Variants in ARK2N observed in about 807,000 individuals in gnomAD.
ARK2N encodes arkadia (RNF111) N-terminal like PKA signaling regulator 2N, also known as protein ARK2N.
At chr18:46,257,984 T>A in the ARK2N span, among the ~76,000 whole-genome samples, 1 of 151,634 alleles carries the variant, frequency 6.6e-6, no homozygotes, top group Non-Finnish European at 1.5e-5. Context: ...TGGAGTGCAG[T>A]GACACGATTT....
At chr18:46,202,450 T>G in the ARK2N span, among the ~76,000 whole-genome samples, 1 of 152,176 alleles carries the variant, frequency 6.6e-6, no homozygotes, top group Non-Finnish European at 1.5e-5. Context: ...AAATAAGATA[T>G]TCTCAAATAA....
the ARK2N span, among the ~76,000 whole-genome samples, chr18:46,181,747 G>T: frequency 1.3e-5 from 2 of 152,130 alleles, no homozygotes; most frequent in African/African-American, 4.8e-5. Context: ...TTGTGCTTGG[G>T]TAGTCTAGAA....
At chr18:46,194,503 C>T in the ARK2N span, among the ~76,000 whole-genome samples, 6 of 150,180 alleles carry the variant, frequency 4.0e-5, no homozygotes, top group Admixed American at 3.3e-4. Flanking sequence ...GACGGAGTCT[C>T]GCTGTGTCAC....
chr18:46,255,162 C>T, the ARK2N span, among the ~76,000 whole-genome samples: 1 of 151,990 alleles, frequency 6.6e-6, no homozygotes, highest in African/African-American at 2.4e-5. Flanking sequence ...GATACATGTA[C>T]GTTAAGGGTA....
the ARK2N span, among the ~76,000 whole-genome samples, chr18:46,226,527 T>G: frequency 6.6e-6 from 1 of 152,352 alleles, no homozygotes; most frequent in East Asian, 1.9e-4. Flanking sequence ...AGTTTAATTT[T>G]GTTTTCAATC....
the ARK2N span, among the ~76,000 whole-genome samples, chr18:46,254,724 T>A: frequency 6.6e-6 from 1 of 152,230 alleles, no homozygotes; most frequent in Non-Finnish European, 1.5e-5. Flanking sequence ...AAAGATTATA[T>A]GTCCTCCCCA....
chr18:46,185,869 C>T, the ARK2N span, among the ~76,000 whole-genome samples: 1 of 152,142 alleles, frequency 6.6e-6, no homozygotes, highest in Admixed American at 6.5e-5. Flanking sequence ...CACTGGTAAT[C>T]TCAGCTACTC....
At chr18:46,197,885 A>C in the ARK2N span, among the ~76,000 whole-genome samples, 55 of 152,118 alleles carry the variant, frequency 3.6e-4, 1 homozygote, top group African/African-American at 1.3e-3. Context: ...TTTCCATCTC[A>C]TATTTTTTGT....
the ARK2N span, among the ~76,000 whole-genome samples, chr18:46,203,228 G>GA: frequency 6.6e-6 from 1 of 152,068 alleles, no homozygotes; most frequent in Non-Finnish European, 1.5e-5. Context: ...GTCCCAAACT[G>GA]AAAAAATGAC....
At chr18:46,244,205 G>A in the ARK2N span, among the ~76,000 whole-genome samples, 2 of 152,106 alleles carry the variant, frequency 1.3e-5, no homozygotes, top group Non-Finnish European at 2.9e-5. Flanking sequence ...CTTCATTTTT[G>A]TTGCTAGTAA....
the ARK2N span, among the ~76,000 whole-genome samples, chr18:46,237,521 G>A: frequency 6.6e-6 from 1 of 151,738 alleles, no homozygotes; most frequent in African/African-American, 2.4e-5. Context: ...CCAAGTAGCT[G>A]GGATTACAGG....
At chr18:46,241,727 C>G in the ARK2N span, among the ~76,000 whole-genome samples, 1 of 150,364 alleles carries the variant, frequency 6.7e-6, no homozygotes, top group Non-Finnish European at 1.5e-5. Flanking sequence ...TGTATCCCCC[C>G]AAAAAAGAAA....
the ARK2N span, among the ~76,000 whole-genome samples, chr18:46,222,721 C>G: frequency 6.6e-6 from 1 of 152,124 alleles, no homozygotes; most frequent in Non-Finnish European, 1.5e-5. Flanking sequence ...GATTTTGCTT[C>G]TAGAGCAGTT....
At chr18:46,180,498 G>A in the ARK2N span, among the ~76,000 whole-genome samples, 4 of 151,904 alleles carry the variant, frequency 2.6e-5, no homozygotes, top group East Asian at 5.9e-4. Flanking sequence ...CCTGAAGTTC[G>A]GAGTTTGAGA....
At chr18:46,194,890 A>G in the ARK2N span, among the ~76,000 whole-genome samples, 106,268 of 148,592 alleles carry the variant, frequency 0.72, 38,094 homozygotes, top group Middle Eastern at 0.78. Context: ...TGCAACCTCC[A>G]CCTCCTGTGT....
the ARK2N span, among the ~76,000 whole-genome samples, chr18:46,183,124 T>A: frequency 6.6e-6 from 1 of 152,028 alleles, no homozygotes; most frequent in Non-Finnish European, 1.5e-5. Flanking sequence ...TGATAGTCAG[T>A]GTTCAGATTT....
the ARK2N span, among the ~76,000 whole-genome samples, chr18:46,195,250 A>T: frequency 1.3e-5 from 2 of 148,276 alleles, no homozygotes; most frequent in African/African-American, 2.5e-5. Flanking sequence ...TTTTTTCCTA[A>T]ATTCTTTTAT....
At chr18:46,256,272 T>C in the ARK2N span, among the ~76,000 whole-genome samples, 5 of 152,232 alleles carry the variant, frequency 3.3e-5, no homozygotes, top group African/African-American at 4.8e-5. Context: ...CTAAGACATA[T>C]CACTTGGTCA....
the ARK2N span, among the ~76,000 whole-genome samples, chr18:46,203,011 A>G: frequency 6.6e-6 from 1 of 152,162 alleles, no homozygotes; most frequent in Non-Finnish European, 1.5e-5. Context: ...TAAAGCATGA[A>G]AAAAACAGAG....
Sources: allele counts gnomAD v4.1 joint callset (sites outside exome capture counted in the v4.1 genomes callset), GRCh38; gene constraint gnomAD v4.1.1; transcripts MANE v1.5; gene names NCBI Gene and HGNC (gene_info 2026-07-23, HGNC 2026-07-21).